FAM168A: variants seen among roughly 807,000 people sequenced by gnomAD.
FAM168A encodes protein FAM168A.
Under a neutral mutation model 28.5 loss-of-function variants are expected in FAM168A, and 3 were observed. The ratio of observed to expected loss-of-function variants is 0.11; its 90% confidence interval spans 0.05 to 0.27. The LOEUF is 0.27. FAM168A is among the 10% of genes least tolerant of loss of function. The pLI, the probability that FAM168A is intolerant of heterozygous loss-of-function variation, is 1.00. For synonymous variants in FAM168A, 122 were observed against 124.2 expected (o/e 0.98, Z 0.12); for missense variants, 222 against 311.5 (o/e 0.71, Z 2.16).
chr11:73,437,581 G>C (rs1484587310), intron 2 of FAM168A, among the ~76,000 whole-genome samples: 2 of 151,692 alleles, frequency 1.3e-5, no homozygotes, highest in Non-Finnish European at 2.9e-5. Context: ...GTGAGTCAAA[G>C]CACCGACTGG....
chr11:73,516,707 G>C (rs536551378), intron 1 of FAM168A, among the ~76,000 whole-genome samples: 1 of 152,192 alleles, frequency 6.6e-6, no homozygotes, highest in Non-Finnish European at 1.5e-5. Flanking sequence ...TCTAGGCAGA[G>C]TGTCTCATGG....
chr11:73,594,936 C>T (rs909920938), intron 1 of FAM168A, among the ~76,000 whole-genome samples: 9 of 152,196 alleles, frequency 5.9e-5, no homozygotes. Flanking sequence ...ATTCGTTCCA[C>T]AAAGGCTTCT....
chr11:73,442,424 C>A (rs1325224538), intron 2 of FAM168A, among the ~76,000 whole-genome samples: 1 of 152,176 alleles, frequency 6.6e-6, no homozygotes, highest in East Asian at 1.9e-4. Flanking sequence ...CCGCGCCCGG[C>A]CTCTTCTTTT....
Position 73,540,014 on chromosome 11 carries a change from G to A in FAM168A, c.-19+57909C>T, listed in dbSNP as rs139699512. On this transcript the variant is annotated intron_variant, in intron 1 of 7. Coordinates refer to ENST00000356467, the MANE Select transcript of FAM168A (RefSeq NM_015159.3). ...TCTTTCCATAATAAATGAATATATC[G>A]GAGGATGCAATTACCAAAATCCCAA... Among the ~76,000 whole-genome samples the A allele has an allele frequency of 7.4e-3, 1,120 of 152,264 alleles. 17 individuals carry two copies. Among genetic ancestry groups the A allele is most frequent in the African/African-American group, 0.026 (1,077 of 41,542 alleles).
At chr11:73,457,723 C>CAAAATAAAAAAAAAA (rs1867563029) in intron 2 of FAM168A, among the ~76,000 whole-genome samples, 1 of 37,542 alleles carries the variant, frequency 2.7e-5, no homozygotes, top group Non-Finnish European at 7.8e-5. Flanking sequence ...GCCTGGGTGA[C>CAAAATAAAAAAAAAA]AAAAAAAAAA....
At chr11:73,520,748 C>A (rs1943365131) in intron 1 of FAM168A, among the ~76,000 whole-genome samples, 1 of 152,000 alleles carries the variant, frequency 6.6e-6, no homozygotes, top group African/African-American at 2.4e-5. Flanking sequence ...TTTATATATT[C>A]AGAACATCAA....
intron 1 of FAM168A, among the ~76,000 whole-genome samples, chr11:73,473,981 T>C (rs1402502330): frequency 6.6e-6 from 1 of 152,092 alleles, no homozygotes; most frequent in East Asian, 1.9e-4. Flanking sequence ...AACTAATTTT[T>C]GTATTTTTAG....
At chr11:73,418,104 G>A (rs930607893) in intron 4 of FAM168A, among the ~76,000 whole-genome samples, 4 of 152,170 alleles carry the variant, frequency 2.6e-5, no homozygotes, top group African/African-American at 4.8e-5. Flanking sequence ...GGTGAGTTAC[G>A]TTGTATAAAC....
chr11:73,497,143 C>T (rs1854906628), intron 1 of FAM168A, among the ~76,000 whole-genome samples: 1 of 152,170 alleles, frequency 6.6e-6, no homozygotes, highest in Non-Finnish European at 1.5e-5. Context: ...AGGCCTCACT[C>T]TGTTTTGGCC....
At chr11:73,555,318 A>G (rs2134697102) in intron 1 of FAM168A, among the ~76,000 whole-genome samples, 1 of 152,262 alleles carries the variant, frequency 6.6e-6, no homozygotes. Flanking sequence ...AGAGAGAGTT[A>G]GGCAGCATTA....
At chr11:73,445,496 C>T (rs1039034235) in intron 2 of FAM168A, among the ~76,000 whole-genome samples, 1 of 120,640 alleles carries the variant, frequency 8.3e-6, no homozygotes, top group African/African-American at 3.1e-5. Context: ...TCTCTCCTGG[C>T]TTCAAGTGAT....
At chr11:73,534,930 T>C (rs1485334788) in intron 1 of FAM168A, among the ~76,000 whole-genome samples, 1 of 151,948 alleles carries the variant, frequency 6.6e-6, no homozygotes, top group Non-Finnish European at 1.5e-5. Context: ...GTAAGTGAAA[T>C]GAATATTGAG....
chr11:73,584,469 C>CTT (rs1162075797), intron 1 of FAM168A, among the ~76,000 whole-genome samples: 193 of 128,240 alleles, frequency 1.5e-3, no homozygotes, highest in Middle Eastern at 4.0e-3. Context: ...GGCCCACTGA[C>CTT]TTTTTTTTTT....
chr11:73,420,090 G>A, intron 3 of FAM168A, 91 bp from the exon 4 acceptor site: 1 of 1,508,218 alleles, frequency 6.6e-7, no homozygotes, highest in Non-Finnish European at 9.0e-7. Context: ...GTGCTGGACA[G>A]AAACATACAA....
intron 1 of FAM168A, among the ~76,000 whole-genome samples, chr11:73,496,842 G>A (rs981484581): frequency 2.6e-4 from 39 of 150,734 alleles, no homozygotes; most frequent in Non-Finnish European, 8.8e-5. Flanking sequence ...TTACAGGCGT[G>A]AGCCACTGCA....
chr11:73,438,194 T>C (rs896948752), intron 2 of FAM168A, among the ~76,000 whole-genome samples: 12 of 152,168 alleles, frequency 7.9e-5, no homozygotes, highest in Non-Finnish European at 1.3e-4. Context: ...CTAGGTTCTT[T>C]ACAGAGCACT....
chr11:73,550,273 G>A (rs1294246776), intron 1 of FAM168A, among the ~76,000 whole-genome samples: 2 of 152,208 alleles, frequency 1.3e-5, no homozygotes, highest in African/African-American at 4.8e-5. Flanking sequence ...GACCACAAAG[G>A]AGGGTCAGAA....
At chr11:73,553,174 G>C (rs7101561) in intron 1 of FAM168A, among the ~76,000 whole-genome samples, 11,845 of 152,186 alleles carry the variant, frequency 0.078, 558 homozygotes, top group Non-Finnish European at 0.11. Flanking sequence ...CAGCCAGGTA[G>C]AGCAGGAATT....
intron 1 of FAM168A, among the ~76,000 whole-genome samples, chr11:73,560,436 A>C (rs1943944557): frequency 1.3e-5 from 2 of 152,048 alleles, no homozygotes; most frequent in South Asian, 4.2e-4. Flanking sequence ...AAAAACTAAG[A>C]AAAAAAATAC....
Sources: allele counts gnomAD v4.1 joint callset (sites outside exome capture counted in the v4.1 genomes callset), GRCh38; gene constraint gnomAD v4.1.1; transcripts MANE v1.5; gene names NCBI Gene and HGNC (gene_info 2026-07-23, HGNC 2026-07-21).